CADM2: variants seen among roughly 807,000 people sequenced by gnomAD.
CADM2 encodes immunoglobulin superfamily member 4D.
Under a neutral mutation model 49.8 loss-of-function variants are expected in CADM2, and 12 were observed. The ratio of observed to expected loss-of-function variants is 0.24; its 90% CI spans 0.15 to 0.39. The LOEUF (loss-of-function observed/expected upper bound fraction) is 0.39. Among genes scored for constraint, CADM2 ranks in the 10% least tolerant of loss-of-function variants. CADM2 has a pLI of 1.00. For synonymous variants in CADM2, 214 were observed against 175.4 expected, an observed-to-expected ratio of 1.22 and a Z score of -1.74; for missense variants, 378 against 492.3, an observed-to-expected ratio of 0.77 and a Z score of 2.20.
chr3:85,953,250 T>C (rs1723662351), intron 7 of CADM2, among the ~76,000 whole-genome samples: 1 of 151,064 alleles, frequency 6.6e-6, no homozygotes, highest in Non-Finnish European at 1.5e-5. Flanking sequence ...TGATTCTTCA[T>C]ACACAACTTA....
At chr3:85,567,163 T>C (rs2062290762) in intron 1 of CADM2, among the ~76,000 whole-genome samples, 1 of 152,144 alleles carries the variant, frequency 6.6e-6, no homozygotes, top group Non-Finnish European at 1.5e-5. Context: ...TGGAGGGTTT[T>C]AAAGCACATA....
Position 86,012,552 on chromosome 3 carries a change from C to T in CADM2, c.970+50905C>T, listed in dbSNP as rs1476810148. Reference sequence around the variant, plus strand: ...GCGGAGGGCTGGGCCAGCCAGCGGGCGGGCGAAGATGCCGAACTTCTGCGC... The same window carrying T: ...GCGGAGGGCTGGGCCAGCCAGCGGGTGGGCGAAGATGCCGAACTTCTGCGC... On this transcript the variant is annotated intron_variant, in intron 8 of 9. Transcript: ENST00000383699. 11 of 1,481,068 alleles carry T rather than the reference C, an allele frequency of 7.4e-6. 1 individual carries two copies. The highest frequency in any genetic ancestry group is 1.0e-5 in the Non-Finnish European group (11 of 1,103,142). The allele number at this position is 1,481,068 out of a possible 1,614,324, so 91.7% of individuals were successfully genotyped here.
chr3:85,757,213 A>G (rs996313049), intron 2 of CADM2, among the ~76,000 whole-genome samples: 3 of 152,166 alleles, frequency 2.0e-5, no homozygotes, highest in Non-Finnish European at 4.4e-5. Context: ...ATTTGCAATG[A>G]TATTAGAAGA....
Position 85,480,159 on chromosome 3 carries a change from CATT to C in CADM2, c.62-246362_62-246360del, listed in dbSNP as rs1216385778. ...AAATAGGGAGATATATTATTTGAATCATTGTCTATATCACTGTGATCTGACAAT... is the reference window on the plus strand; with the variant it reads ...AAATAGGGAGATATATTATTTGAATCGTCTATATCACTGTGATCTGACAAT... On this transcript the variant is annotated intron_variant, in intron 1 of 9. Transcript: ENST00000383699. Among the ~76,000 whole-genome samples the C allele has an allele frequency of 7.2e-5, 11 of 151,884 alleles. No individual in the cohort carries two copies. In the South Asian group the frequency reaches 1.9e-3, roughly 26 times the overall value.
intron 2 of CADM2, among the ~76,000 whole-genome samples, chr3:85,799,254 C>T (rs997841596): frequency 6.6e-6 from 1 of 152,130 alleles, no homozygotes; most frequent in African/African-American, 2.4e-5. Context: ...TATTTGAATA[C>T]CCTTTATTTC....
intron 2 of CADM2, among the ~76,000 whole-genome samples, chr3:85,762,613 C>G (rs78733758): frequency 7.4e-5 from 11 of 147,952 alleles, no homozygotes; most frequent in Admixed American, 2.0e-4. Context: ...CTCTCTCTCT[C>G]TCTCTCTCTG....
At chr3:85,909,463 CAAGA>C in intron 5 of CADM2, among the ~76,000 whole-genome samples, 1 of 148,882 alleles carries the variant, frequency 6.7e-6, no homozygotes, top group South Asian at 2.1e-4. Flanking sequence ...TAAAAAATAA[CAAGA>C]GAGAGAAAAA....
At chr3:85,794,466 T>G (rs1281829385) in intron 2 of CADM2, among the ~76,000 whole-genome samples, 1 of 152,120 alleles carries the variant, frequency 6.6e-6, no homozygotes, top group Non-Finnish European at 1.5e-5. Context: ...TAGAATCAAG[T>G]AAGGGAGAGA....
chr3:85,161,588 T>G (rs2040326108), intron 1 of CADM2, among the ~76,000 whole-genome samples: 1 of 151,690 alleles, frequency 6.6e-6, no homozygotes, highest in South Asian at 2.1e-4. Context: ...TAAAAAAAAA[T>G]GAATGAGTGC....
intron 1 of CADM2, among the ~76,000 whole-genome samples, chr3:85,341,040 G>T (rs778418619): frequency 6.6e-6 from 1 of 151,364 alleles, no homozygotes; most frequent in Non-Finnish European, 1.5e-5. Flanking sequence ...CTGGTCTCAG[G>T]CCTCCCTGAA....
intron 1 of CADM2, among the ~76,000 whole-genome samples, chr3:85,450,217 T>A (rs758841675): frequency 6.6e-6 from 1 of 152,186 alleles, no homozygotes; most frequent in Non-Finnish European, 1.5e-5. Flanking sequence ...GGAGTGATTT[T>A]TTTTTAATTG....
intron 1 of CADM2, among the ~76,000 whole-genome samples, chr3:85,133,882 T>C (rs2039322472): frequency 6.6e-6 from 1 of 152,190 alleles, no homozygotes; most frequent in South Asian, 2.1e-4. Context: ...CCTTGGGTGG[T>C]CGATGGGACT....
intron 8 of CADM2, among the ~76,000 whole-genome samples, chr3:86,049,432 G>T (rs541891847): frequency 1.3e-5 from 2 of 151,512 alleles, no homozygotes; most frequent in Admixed American, 1.3e-4. Flanking sequence ...CCGCCACCAC[G>T]CCCGGCTAAT....
At chr3:86,044,503 A>G (rs1355632779) in intron 8 of CADM2, among the ~76,000 whole-genome samples, 1 of 152,212 alleles carries the variant, frequency 6.6e-6, no homozygotes, top group Non-Finnish European at 1.5e-5. Flanking sequence ...AATCAAAACC[A>G]CAATGAGATA....
At chr3:85,530,762 A>C (rs2061288179) in intron 1 of CADM2, among the ~76,000 whole-genome samples, 1 of 152,106 alleles carries the variant, frequency 6.6e-6, no homozygotes, top group Non-Finnish European at 1.5e-5. Flanking sequence ...CATAGAAGGC[A>C]CCTAATACAT....
rs549114463 is a variant in CADM2, at chr3:85,691,640, A to T, written c.62-34882A>T. ...CCATTACTGGGTATATACCCGAAGG[A>T]TTATAAATCATGCTGCTATAAAGAC... On this transcript the variant is annotated intron_variant, in intron 1 of 9. Transcript: ENST00000383699. Among the ~76,000 whole-genome samples, 5 of 152,326 alleles carry T rather than the reference A, an allele frequency of 3.3e-5. No homozygotes were observed. In the East Asian group the frequency reaches 9.7e-4, roughly 29 times the overall value.
At chr3:85,990,050 C>T (rs895752516) in intron 8 of CADM2, among the ~76,000 whole-genome samples, 1 of 61,190 alleles carries the variant, frequency 1.6e-5, no homozygotes, top group African/African-American at 5.5e-5. Flanking sequence ...AAAAAGAAGA[C>T]TAATAATGGA....
intron 1 of CADM2, among the ~76,000 whole-genome samples, chr3:85,589,304 C>T (rs2063036993): frequency 6.6e-6 from 1 of 152,000 alleles, no homozygotes; most frequent in Admixed American, 6.6e-5. Flanking sequence ...GAGTTTCTGA[C>T]CCTAAAACCT....
intron 1 of CADM2, among the ~76,000 whole-genome samples, chr3:85,269,861 TTTG>T (rs1303518637): frequency 4.6e-5 from 7 of 151,440 alleles, no homozygotes; most frequent in African/African-American, 1.4e-4. Flanking sequence ...TTGTTTTATC[TTTG>T]TTGTTGTCAC....
Sources: allele counts gnomAD v4.1 joint callset (sites outside exome capture counted in the v4.1 genomes callset), GRCh38; gene constraint gnomAD v4.1.1; transcripts MANE v1.5; gene names NCBI Gene and HGNC (gene_info 2026-07-23, HGNC 2026-07-21).